The following EME2 variants were observed in gnomAD, a reference collection of about 807,000 sequenced individuals.
The protein encoded by EME2 is essential meiotic structure-specific endonuclease subunit 2, also known as structure-specific endonuclease subunit EME2.
Under a neutral mutation model 41.9 loss-of-function variants are expected in EME2, and 58 were observed. The ratio of observed to expected loss-of-function variants is 1.38; its 90% confidence interval spans 1.12 to 1.72. The LOEUF is 1.72. Among genes scored for constraint, EME2 ranks in the 40% most tolerant of loss-of-function variants. EME2 has a pLI of 0.00. For synonymous variants in EME2, 334 were observed against 239.3 expected, an observed-to-expected ratio of 1.40 and a Z score of -3.65; for missense variants, 695 against 541.9, an observed-to-expected ratio of 1.28 and a Z score of -2.81.
Position 1,776,970 on chromosome 16 carries a change from T to C in EME2, c.*732T>C, listed in dbSNP as rs907489915. 1.6e-5 allele frequency: 17 copies of C among 1,084,106 alleles called. No individual in the cohort carries two copies. In the African/African-American group the frequency reaches 1.7e-4, roughly 11 times the overall value. 67.2% of individuals were successfully genotyped at this position (1,084,106 alleles called of 1,614,324 possible). On this transcript the variant is annotated 3_prime_UTR_variant, in exon 8 of 8. Coordinates refer to ENST00000568449, the MANE Select transcript of EME2 (RefSeq NM_001257370.2). ...CTGTCCCAGCCTCGGGAGCAAGAGA[T>C]GGCTCCCTCCGGACGGGCCTCATCC...
Position 1,776,981 on chromosome 16 carries a change from G to T in EME2, c.*743G>T. The T allele has an allele frequency of 8.2e-7, 1 of 1,220,468 alleles. No individual in the cohort carries two copies. Among genetic ancestry groups the T allele is most frequent in the Non-Finnish European group, 1.1e-6 (1 of 878,378 alleles). 75.6% of individuals were successfully genotyped at this position (1,220,468 alleles called of 1,614,324 possible). ...TCGGGAGCAAGAGATGGCTCCCTCC[G>T]GACGGGCCTCATCCAACTCCGCCCT... On this transcript the variant is annotated 3_prime_UTR_variant, in exon 8 of 8. Transcript: ENST00000568449.
chr16:1,773,566 C>G (rs934953005), intron 1 of EME2, 92 bp downstream of exon 1: 11 of 1,514,416 alleles, frequency 7.3e-6, no homozygotes, highest in Non-Finnish European at 8.8e-6. Flanking sequence ...GCGCGCGTGC[C>G]GAGGGGCCTG....
In EME2 at chr16:1,777,009, A is replaced by C. The variant is rs2042723575; in HGVS notation, c.*771A>C. The C allele has an allele frequency of 5.5e-6, 8 of 1,461,018 alleles. No individual in the cohort carries two copies. Among genetic ancestry groups the C allele is most frequent in the Non-Finnish European group, 7.4e-6 (8 of 1,075,708 alleles). The allele number at this position is 1,461,018 out of a possible 1,614,324, so 90.5% of individuals were successfully genotyped here. ...CGGGCCTCATCCAACTCCGCCCTGG[A>C]GTGTGGCTGGAAGGAAGGGACAGAG... On this transcript the variant is annotated 3_prime_UTR_variant, in exon 8 of 8. Transcript: ENST00000568449.
In EME2 at chr16:1,775,993, C is replaced by A. The variant is rs978424213; in HGVS notation, c.969+7C>A. On this transcript the variant is annotated splice_region_variant and intron_variant, in intron 7 of 7. Transcript: ENST00000568449. ...CCCCCGCCTTCTGCAGCAGGTGGGC[C>A]CCTGCCTCCTCCAAGCCCTCCAGGT... 51 of 1,607,662 alleles carry A rather than the reference C, an allele frequency of 3.2e-5. No homozygotes were observed. The Admixed American group carries it at 6.0e-4, about 19-fold the overall frequency.
In EME2 at chr16:1,777,274, C is replaced by T. The variant is rs1168914527; in HGVS notation, c.*1036C>T. ...TGAGGCCCGGCGGCAGCGGCAGACC[C>T]TCCAGCGTGTCTCCCGAGTCTGGCC... On this transcript the variant is annotated 3_prime_UTR_variant, in exon 8 of 8. Coordinates refer to ENST00000568449, the MANE Select transcript of EME2 (RefSeq NM_001257370.2). The T allele has an allele frequency of 1.2e-6, 2 of 1,610,430 alleles. No individual in the cohort carries two copies. Among genetic ancestry groups the T allele is most frequent in the African/African-American group, 2.7e-5 (2 of 74,948 alleles).
intron 3 of EME2, among the ~76,000 whole-genome samples, chr16:1,774,760 CTAGGTCAA>C (rs1212405332): frequency 1.3e-5 from 2 of 152,246 alleles, no homozygotes; most frequent in Admixed American, 1.3e-4. Flanking sequence ...CTGCTTTGTG[CTAGGTCAA>C]AGCTAGGCTG....
chr16:1,777,438 C>T lies in EME2; in HGVS notation c.*1200C>T. The stretch of plus-strand genomic sequence containing the variant: ...CTCTTGTTCTGCAGCTTGGTGGCTG[C>T]CACACCTGGAAGGGAGGGGCCCAGC... On this transcript the variant is annotated 3_prime_UTR_variant, in exon 8 of 8. Coordinates refer to ENST00000568449, the MANE Select transcript of EME2 (RefSeq NM_001257370.2). 2 of 1,514,432 alleles carry T rather than the reference C, an allele frequency of 1.3e-6. No individual in the cohort carries two copies. The highest frequency in any genetic ancestry group is 1.4e-5 in the African/African-American group (1 of 73,160). The allele number at this position is 1,514,432 out of a possible 1,614,324, so 93.8% of individuals were successfully genotyped here.
Position 1,777,380 on chromosome 16 carries a change from C to A in EME2, c.*1142C>A. On this transcript the variant is annotated 3_prime_UTR_variant, in exon 8 of 8. Transcript: ENST00000568449. Reference sequence around the variant, plus strand: ...GGAGCGGGTGACCTTCATGCTGCTCCGGGCCGCCGTGGAGCACACCATCGG... The same window carrying A: ...GGAGCGGGTGACCTTCATGCTGCTCAGGGCCGCCGTGGAGCACACCATCGG... 1 of 1,598,386 alleles carries A rather than the reference C, an allele frequency of 6.3e-7. No homozygotes were observed. Among genetic ancestry groups the A allele is most frequent in the South Asian group, 1.1e-5 (1 of 90,476 alleles).
chr16:1,774,004 C>T (rs2042671967), intron 2 of EME2, among the ~76,000 whole-genome samples, 163 bp downstream of exon 2: 1 of 152,264 alleles, frequency 6.6e-6, no homozygotes, highest in Non-Finnish European at 1.5e-5. Flanking sequence ...CCAAGCCGTT[C>T]TGCTGGTATA....
rs759660478 is a variant in EME2, at chr16:1,781,455, G to A, written c.*5217G>A. On this transcript the variant is annotated 3_prime_UTR_variant, in exon 8 of 8. Coordinates refer to ENST00000568449, the MANE Select transcript of EME2 (RefSeq NM_001257370.2). ...GGCTGCACTCAGGACGAAGTGCCAG[G>A]CCCTGCTGTTCCGGGGGCGTCTGGC... 2 of 1,612,722 alleles carry A rather than the reference G, an allele frequency of 1.2e-6. No individual in the cohort carries two copies. Among genetic ancestry groups the A allele is most frequent in the East Asian group, 2.2e-5 (1 of 44,890 alleles).
Position 1,781,590 on chromosome 16 carries a change from C to T in EME2, c.*5352C>T. ...GCCACGGACCCACTCAAAGTGGGGA[C>T]TGCAGGGGCCGCACCGGTGCCCAGC... On this transcript the variant is annotated 3_prime_UTR_variant, in exon 8 of 8. Transcript: ENST00000568449. 7.3e-7 allele frequency: 1 copy of T among 1,375,640 alleles called. No homozygotes were observed. The highest frequency in any genetic ancestry group is 9.9e-7 in the Non-Finnish European group (1 of 1,011,878). The allele number at this position is 1,375,640 out of a possible 1,614,324, so 85.2% of individuals were successfully genotyped here. A position where few individuals can be genotyped will look rare whatever the true frequency, so the allele number is the denominator to read the frequency against.
rs562746082 is a variant in EME2, at chr16:1,779,252, C to G, written c.*3014C>G. ...GATTCTTGGCCTCCTCCCACCAGAA[C>G]GTGAGCTCCTTGTGGGAGGCAGTGC... On this transcript the variant is annotated 3_prime_UTR_variant, in exon 8 of 8. Coordinates refer to ENST00000568449, the MANE Select transcript of EME2 (RefSeq NM_001257370.2). 1 of 152,474 alleles carries G rather than the reference C, an allele frequency of 6.6e-6. No individual in the cohort carries two copies. Among genetic ancestry groups the G allele is most frequent in the African/African-American group, 2.4e-5 (1 of 41,464 alleles). The allele number at this position is 152,474 out of a possible 1,614,324, so 9.4% of individuals were successfully genotyped here. A position where few individuals can be genotyped will look rare whatever the true frequency, so the allele number is the denominator to read the frequency against.
rs554476485 is a variant in EME2, at chr16:1,777,421, C to T, written c.*1183C>T. ...ACACCATCGGGTAGAATCTCTTGTT[C>T]TGCAGCTTGGTGGCTGCCACACCTG... On this transcript the variant is annotated 3_prime_UTR_variant, in exon 8 of 8. Transcript: ENST00000568449. 1.3e-6 allele frequency: 2 copies of T among 1,543,850 alleles called. No homozygotes were observed. The highest frequency in any genetic ancestry group is 1.7e-4 in the Middle Eastern group (1 of 5,780).
At chr16:1,773,922 A>T (rs2042670652) in intron 2 of EME2, 81 bp downstream of exon 2, 1 of 1,445,898 alleles carries the variant, frequency 6.9e-7, no homozygotes, top group East Asian at 2.5e-5. Flanking sequence ...GCTGTCCCTG[A>T]GGCAGCTGCC....
chr16:1,776,809 A>G lies in EME2; in HGVS notation c.*571A>G. On this transcript the variant is annotated 3_prime_UTR_variant, in exon 8 of 8. Coordinates refer to ENST00000568449, the MANE Select transcript of EME2 (RefSeq NM_001257370.2). ...ATGCAGAGCAAGTTAGGAAAAACCG[A>G]GGCCCTGTGGGAACAGCAACGCGGG... The G allele has an allele frequency of 2.0e-6, 1 of 500,488 alleles. No homozygotes were observed. The highest frequency in any genetic ancestry group is 2.9e-5 in the South Asian group (1 of 34,352). The allele number at this position is 500,488 out of a possible 1,614,324, so 31.0% of individuals were successfully genotyped here. A position where few individuals can be genotyped will look rare whatever the true frequency, so the allele number is the denominator to read the frequency against.
chr16:1,773,005 C>G lies in EME2; in HGVS notation c.-223C>G. The G allele has an allele frequency of 6.9e-7, 1 of 1,457,246 alleles. No individual in the cohort carries two copies. Among genetic ancestry groups the G allele is most frequent in the African/African-American group, 1.5e-5 (1 of 67,180 alleles). 90.3% of individuals were successfully genotyped at this position (1,457,246 alleles called of 1,614,324 possible). Reference sequence around the variant, plus strand: ...CCAGAGAACGGCCGCGTCAAGGTCTCGTAGTCCACCGCGTAGAGCTGGGAG... The same window carrying G: ...CCAGAGAACGGCCGCGTCAAGGTCTGGTAGTCCACCGCGTAGAGCTGGGAG... On this transcript the variant is annotated 5_prime_UTR_variant, in exon 1 of 8. Coordinates refer to ENST00000568449, the MANE Select transcript of EME2 (RefSeq NM_001257370.2).
At chr16:1,774,710 G>A (rs191658972) in intron 3 of EME2, among the ~76,000 whole-genome samples, 5 of 152,380 alleles carry the variant, frequency 3.3e-5, no homozygotes, top group African/African-American at 1.2e-4. Context: ...TAGACCCCCT[G>A]CCAGGTCCCT....
In EME2 at chr16:1,779,370, CG is replaced by C. The variant is rs982650336; in HGVS notation, c.*3138del. On this transcript the variant is annotated 3_prime_UTR_variant, in exon 8 of 8. Coordinates refer to ENST00000568449, the MANE Select transcript of EME2 (RefSeq NM_001257370.2). ...CAGCAGGGAGAGTGCTAAGTGGTGG[CG>C]GGGGGCCTGTGGCAGAGGCCTTGTG... The C allele has an allele frequency of 3.3e-5, 5 of 152,546 alleles. No homozygotes were observed. The highest frequency in any genetic ancestry group is 9.7e-5 in the African/African-American group (4 of 41,424). 9.4% of individuals were successfully genotyped at this position (152,546 alleles called of 1,614,324 possible). A position where few individuals can be genotyped will look rare whatever the true frequency, so the allele number is the denominator to read the frequency against.
rs1312280052 is a variant in EME2 at position 1,775,021 on chromosome 16, C to A, written c.478-20C>A. The A allele has an allele frequency of 6.3e-7, 1 of 1,595,328 alleles. No individual in the cohort carries two copies. The highest frequency in any genetic ancestry group is 1.3e-5 in the African/African-American group (1 of 74,834). ...CCGCAGCCTCCTGTGAACAACTGTGCCACACGTTCTCATCTTCAGATCTCT... is the reference window on the plus strand; with the variant it reads ...CCGCAGCCTCCTGTGAACAACTGTGACACACGTTCTCATCTTCAGATCTCT... On this transcript the variant is annotated intron_variant, in intron 3 of 7. Transcript: ENST00000568449.
Sources: gnomAD v4.1 joint callset for allele counts (sites outside exome capture counted in the v4.1 genomes callset) on GRCh38, gnomAD v4.1.1 for gene constraint, MANE v1.5 for transcripts, NCBI Gene and HGNC (gene_info 2026-07-23, HGNC 2026-07-21) for gene names.